SLC44A5: variants seen among roughly 807,000 people sequenced by gnomAD.
SLC44A5 encodes the protein choline transporter-like protein 5.
SLC44A5 carries 57 observed loss-of-function variants against 101.8 expected under a neutral mutation model. That is an observed-to-expected ratio of 0.56 (90% CI 0.45 to 0.70). The LOEUF (loss-of-function observed/expected upper bound fraction) is 0.70. SLC44A5 is among the 30% of genes least tolerant of loss of function. SLC44A5 has a pLI of 0.00. For synonymous variants in SLC44A5, 281 were observed against 290.9 expected, an observed-to-expected ratio of 0.97 and a Z score of 0.35; for missense variants, 737 against 853.1, an observed-to-expected ratio of 0.86 and a Z score of 1.70.
At chr1:75,415,396 C>T (rs951744296) in intron 2 of SLC44A5, among the ~76,000 whole-genome samples, 4 of 152,192 alleles carry the variant, frequency 2.6e-5, no homozygotes, top group Admixed American at 2.0e-4. Context: ...TCTTCCTTAT[C>T]TTCTGCTATG....
intron 1 of SLC44A5, among the ~76,000 whole-genome samples, chr1:75,609,713 C>T (rs1675538888): frequency 6.6e-6 from 1 of 151,910 alleles, no homozygotes; most frequent in South Asian, 2.1e-4. Flanking sequence ...GGTTTCAGCC[C>T]AATTCACTAA....
chr1:75,220,625 T>A (rs1195124117), intron 14 of SLC44A5, among the ~76,000 whole-genome samples: 1 of 152,168 alleles, frequency 6.6e-6, no homozygotes, highest in Non-Finnish European at 1.5e-5. Context: ...TCTTTGATAT[T>A]TTCTAATAGG....
rs1570602104 is a variant in SLC44A5 at position 75,296,373 on chromosome 1, T to G, written c.175+4239A>C. 2.0e-5 allele frequency among the ~76,000 whole-genome samples: 3 copies of G among 151,766 alleles called. No homozygotes were observed. In the South Asian group the frequency reaches 6.2e-4, roughly 32 times the overall value. Reference sequence around the variant, plus strand: ...TCTAGCCAGTTTTTTTTTCTTTTTTTTTTTTTTTAATATTCCCTCCAAATG... The same window carrying G: ...TCTAGCCAGTTTTTTTTTCTTTTTTGTTTTTTTTAATATTCCCTCCAAATG... On this transcript the variant is annotated intron_variant, in intron 5 of 23. Transcript: ENST00000370859.
chr1:75,322,899 C>T (rs1656276870), intron 4 of SLC44A5, among the ~76,000 whole-genome samples: 1 of 152,216 alleles, frequency 6.6e-6, no homozygotes, highest in African/African-American at 2.4e-5. Flanking sequence ...CTCTGTTTCT[C>T]ATCCGAAAAT....
chr1:75,541,330 A>G (rs1005053719), intron 2 of SLC44A5, 105 bp downstream of exon 2: 29 of 854,586 alleles, frequency 3.4e-5, no homozygotes, highest in Non-Finnish European at 5.1e-5. Flanking sequence ...GTGACAACAT[A>G]GTATATACTC....
chr1:75,455,616 A>C (rs1382656961), intron 2 of SLC44A5, among the ~76,000 whole-genome samples: 4 of 152,166 alleles, frequency 2.6e-5, no homozygotes, highest in Non-Finnish European at 5.9e-5. Context: ...CAAACTACAC[A>C]TCCAACAAAA....
intron 3 of SLC44A5, among the ~76,000 whole-genome samples, chr1:75,388,555 T>C (rs1030124516): frequency 1.3e-5 from 2 of 151,576 alleles, no homozygotes; most frequent in South Asian, 2.1e-4. Flanking sequence ...CCGAGGCGGG[T>C]GGATCACGAG....
the SLC44A5 span, among the ~76,000 whole-genome samples, chr1:75,680,368 C>G: frequency 6.6e-6 from 1 of 152,266 alleles, no homozygotes; most frequent in African/African-American, 2.4e-5. Flanking sequence ...GGAAGTAAAG[C>G]TCTCCTCAGC....
intron 6 of SLC44A5, among the ~76,000 whole-genome samples, chr1:75,251,612 T>A (rs1474738962): frequency 6.6e-6 from 1 of 152,196 alleles, no homozygotes; most frequent in East Asian, 1.9e-4. Context: ...TTACAATATG[T>A]CAATTTTAGG....
At chr1:75,683,113 C>T in the SLC44A5 span, among the ~76,000 whole-genome samples, 13 of 151,764 alleles carry the variant, frequency 8.6e-5, no homozygotes, top group African/African-American at 3.1e-4. Flanking sequence ...ACAACAGGTG[C>T]TGGAGAGGAT....
At chr1:75,444,483 G>GAAGAAAGAAAGAAATAAAGA (rs1553181289) in intron 2 of SLC44A5, among the ~76,000 whole-genome samples, 1 of 140,654 alleles carries the variant, frequency 7.1e-6, no homozygotes, top group Non-Finnish European at 1.5e-5. Context: ...GAGAAAGAAA[G>GAAGAAAGAAAGAAATAAAGA]AAGAAAGAAA....
At chr1:75,231,234 C>T (rs780605117) in intron 12 of SLC44A5, among the ~76,000 whole-genome samples, 1 of 152,126 alleles carries the variant, frequency 6.6e-6, no homozygotes, top group East Asian at 1.9e-4. Context: ...CTAAGTCTCC[C>T]GATCCCAGCA....
In SLC44A5 at chr1:75,559,433, T is replaced by C. The variant is rs181153275; in HGVS notation, c.-69-17917A>G. ...ATAAAAAGGAAAGCTCTGGCTATCA[T>C]GGTCAGTTAGCACCAAATATTGGAT... On this transcript the variant is annotated intron_variant, in intron 1 of 23. Transcript: ENST00000370859. 1.8e-3 allele frequency among the ~76,000 whole-genome samples: 274 copies of C among 152,254 alleles called. 3 individuals carry two copies. Among genetic ancestry groups the C allele is most frequent in the African/African-American group, 6.4e-3 (267 of 41,568 alleles).
intron 2 of SLC44A5, among the ~76,000 whole-genome samples, chr1:75,520,621 G>A (rs1449859517): frequency 6.6e-6 from 1 of 152,128 alleles, no homozygotes; most frequent in Non-Finnish European, 1.5e-5. Flanking sequence ...GAGACAATGA[G>A]AATTTCAACT....
At chr1:75,292,694 A>G (rs1198663821) in intron 5 of SLC44A5, among the ~76,000 whole-genome samples, 1 of 152,176 alleles carries the variant, frequency 6.6e-6, no homozygotes, top group Non-Finnish European at 1.5e-5. Context: ...CCTGCCTTTC[A>G]TTTATCCCCC....
intron 22 of SLC44A5, 89 bp downstream of exon 22, chr1:75,213,616 T>C (rs770147769): frequency 1.0e-6 from 1 of 974,914 alleles, no homozygotes; most frequent in Non-Finnish European, 1.6e-6. Context: ...CCTTCAGAAC[T>C]GTGAGGAATA....
intron 2 of SLC44A5, among the ~76,000 whole-genome samples, chr1:75,435,527 T>C (rs984925694): frequency 1.3e-5 from 2 of 152,108 alleles, no homozygotes; most frequent in African/African-American, 4.8e-5. Context: ...AGAGTGACTA[T>C]TCTCCACACC....
intron 5 of SLC44A5, among the ~76,000 whole-genome samples, chr1:75,298,531 T>C (rs1211695815): frequency 6.6e-6 from 1 of 152,146 alleles, no homozygotes; most frequent in Non-Finnish European, 1.5e-5. Flanking sequence ...CACTCCTCTG[T>C]TTTGTCTACG....
chr1:75,404,843 A>G (rs1018227227), intron 2 of SLC44A5, among the ~76,000 whole-genome samples: 4 of 152,218 alleles, frequency 2.6e-5, no homozygotes, highest in African/African-American at 9.6e-5. Flanking sequence ...TTCACACATA[A>G]CAATATTAAC....
Sources: allele counts gnomAD v4.1 joint callset (sites outside exome capture counted in the v4.1 genomes callset), GRCh38; gene constraint gnomAD v4.1.1; transcripts MANE v1.5; gene names NCBI Gene and HGNC (gene_info 2026-07-23, HGNC 2026-07-21).